AGBL1: variants seen among roughly 807,000 people sequenced by gnomAD.
AGBL1 encodes AGBL carboxypeptidase 1, also known as cytosolic carboxypeptidase 4.
In AGBL1, 130 loss-of-function variants were observed where a neutral mutation model predicts 118.9. The observed-to-expected ratio is 1.09, with a 90% confidence interval of 0.95 to 1.26. The LOEUF is 1.26. AGBL1 is among the 50% of genes most tolerant of loss of function. The pLI is 0.00. For synonymous variants in AGBL1, 555 were observed against 478.9 expected (o/e 1.16, Z -2.08); for missense variants, 1,584 against 1,298.1 (o/e 1.22, Z -3.38).
rs1018547193 is a variant in AGBL1 at position 86,613,878 on chromosome 15, T to C, written c.2994+59341T>C. Among the ~76,000 whole-genome samples the C allele has an allele frequency of 1.3e-5, 2 of 152,172 alleles. No individual in the cohort carries two copies. The highest frequency in any genetic ancestry group is 2.9e-5 in the Non-Finnish European group (2 of 68,036). On this transcript the variant is annotated intron_variant, in intron 21 of 22. Transcript: ENST00000614907. The surrounding 1 kb of genome is among the most constrained non-coding windows in gnomAD (Gnocchi z 4.2). The stretch of plus-strand genomic sequence containing the variant: ...ATGTTAATGTTTGAGAAGTCCTGAG[T>C]GAAAAGACCAATCTCTAGGGATGTT...
At chr15:86,599,706 A>G (rs972242717) in intron 21 of AGBL1, among the ~76,000 whole-genome samples, 43 of 152,062 alleles carry the variant, frequency 2.8e-4, no homozygotes, top group African/African-American at 1.0e-3. Context: ...TTCTTACCCA[A>G]TATCCAAATT....
At chr15:86,743,480 C>A (rs973858981) in intron 22 of AGBL1, among the ~76,000 whole-genome samples, 3 of 152,108 alleles carry the variant, frequency 2.0e-5, no homozygotes, top group African/African-American at 4.8e-5. Flanking sequence ...GGCAAGAGAG[C>A]GTCCCCTGGT....
intron 23 of AGBL1, among the ~76,000 whole-genome samples, chr15:86,984,110 G>A (rs1337941383): frequency 1.3e-5 from 2 of 152,084 alleles, no homozygotes; most frequent in African/African-American, 2.4e-5. Flanking sequence ...CATTCCCAAC[G>A]TGTTAGTACT....
At chr15:86,323,064 G>C (rs917418025) in intron 17 of AGBL1, among the ~76,000 whole-genome samples, 1 of 152,002 alleles carries the variant, frequency 6.6e-6, no homozygotes, top group Non-Finnish European at 1.5e-5. Flanking sequence ...GAAACTCTCA[G>C]GTTCAAAGAT....
intron 18 of AGBL1, among the ~76,000 whole-genome samples, chr15:86,514,175 T>G (rs1308623241): frequency 6.6e-6 from 1 of 151,726 alleles, no homozygotes; most frequent in African/African-American, 2.4e-5. Context: ...CACATCTATT[T>G]CTTTATCTAT....
chr15:86,867,642 G>T (rs1006717805), intron 22 of AGBL1, among the ~76,000 whole-genome samples: 1 of 152,108 alleles, frequency 6.6e-6, no homozygotes, highest in Non-Finnish European at 1.5e-5. Context: ...ATGGCAAAAT[G>T]CACCCGGACT....
At chr15:86,817,325 G>A (rs189235719) in intron 22 of AGBL1, among the ~76,000 whole-genome samples, 54 of 150,126 alleles carry the variant, frequency 3.6e-4, no homozygotes, top group African/African-American at 1.3e-3. Flanking sequence ...CAAACTTAAG[G>A]CATGGGCCAA....
At chr15:86,400,300 C>T (rs1310792046) in intron 18 of AGBL1, among the ~76,000 whole-genome samples, 1 of 152,022 alleles carries the variant, frequency 6.6e-6, no homozygotes, top group African/African-American at 2.4e-5. Flanking sequence ...CTCATCCGTG[C>T]CTGAATTTTC....
At chr15:86,395,297 C>T (rs539954574) in intron 17 of AGBL1, among the ~76,000 whole-genome samples, 1 of 152,160 alleles carries the variant, frequency 6.6e-6, no homozygotes, top group South Asian at 2.1e-4. Context: ...GACTTTTGCG[C>T]CACTGGTTTT....
intron 17 of AGBL1, among the ~76,000 whole-genome samples, chr15:86,331,456 C>T (rs1213168853): frequency 1.3e-5 from 2 of 152,024 alleles, no homozygotes; most frequent in African/African-American, 4.8e-5. Flanking sequence ...CCAGAGAAGA[C>T]CTGCAAGATG....
chr15:86,811,269 G>A (rs1208045590), intron 22 of AGBL1, among the ~76,000 whole-genome samples: 1 of 152,156 alleles, frequency 6.6e-6, no homozygotes, highest in East Asian at 1.9e-4. Context: ...GCAGAGCTGA[G>A]TTTTTGAAAT....
downstream of AGBL1, among the ~76,000 whole-genome samples, chr15:86,919,980 C>G (rs1447607653): frequency 6.6e-6 from 1 of 152,150 alleles, no homozygotes; most frequent in Non-Finnish European, 1.5e-5. Flanking sequence ...ACCTGTACCT[C>G]AGTTTTACAT....
rs774583786 is a variant in AGBL1 at position 86,264,393 on chromosome 15, G to T, written c.1222G>T (p.Glu408Ter). ...KDQSSCGQER[E>*]YAVQTSLLCR... is the part of the protein sequence containing the mutation. ...CCAAAGCTCCTGTGGGCAAGAAAGA[G>T]AATATGCTGTCCAGACTTCCCTTCT... Residue 408 changes from glutamate to a stop codon, truncating the protein, a stop_gained, in exon 11 of 23, where the codon GAA becomes TAA. Coordinates refer to ENST00000614907, the MANE Select transcript of AGBL1 (RefSeq NM_001386094.1). LOFTEE classifies it high-confidence loss of function. The T allele has an allele frequency of 6.2e-7, 1 of 1,613,926 alleles. No homozygotes were observed. Among genetic ancestry groups the T allele is most frequent in the Non-Finnish European group, 8.5e-7 (1 of 1,179,866 alleles).
In AGBL1 at chr15:86,635,701, A is replaced by G. The variant is rs368911704; in HGVS notation, c.2995-38572A>G. Among the ~76,000 whole-genome samples, 357 of 152,298 alleles carry G rather than the reference A, an allele frequency of 2.3e-3. 3 individuals carry two copies. The highest frequency in any genetic ancestry group is 8.3e-3 in the African/African-American group (343 of 41,572). ...AGTTCCTCTATAAGAAAAAGATTACATATTACAAATATAAAAATAGTTACA... is the reference window on the plus strand; with the variant it reads ...AGTTCCTCTATAAGAAAAAGATTACGTATTACAAATATAAAAATAGTTACA... On this transcript the variant is annotated intron_variant, in intron 21 of 22. Transcript: ENST00000614907.
rs531473850 is a variant in AGBL1 at position 86,832,362 on chromosome 15, TTA to T, written c.3159-74721_3159-74720del. Among the ~76,000 whole-genome samples the T allele has an allele frequency of 3.1e-3, 474 of 152,328 alleles. 2 individuals carry two copies. Among genetic ancestry groups the T allele is most frequent in the Non-Finnish European group, 3.3e-3 (227 of 68,020 alleles). ...ATCAGGCTGCAAATTTTCTGAACTTTTATATTTTTTGCTTCCCTTTTAACATA... is the reference window on the plus strand; with the variant it reads ...ATCAGGCTGCAAATTTTCTGAACTTTTATTTTTTGCTTCCCTTTTAACATA... On this transcript the variant is annotated intron_variant, in intron 22 of 22. Transcript: ENST00000614907.
At chr15:86,883,529 A>G (rs1015798240) in intron 22 of AGBL1, among the ~76,000 whole-genome samples, 5 of 152,152 alleles carry the variant, frequency 3.3e-5, no homozygotes, top group African/African-American at 1.2e-4. Flanking sequence ...TCCCCCTGAC[A>G]GAGTTACTGA....
intron 18 of AGBL1, among the ~76,000 whole-genome samples, chr15:86,447,850 A>T (rs1404673641): frequency 6.6e-6 from 1 of 152,210 alleles, no homozygotes; most frequent in African/African-American, 2.4e-5. Flanking sequence ...GCAACACAAA[A>T]GGATCAAAAC....
intron 24 of AGBL1, among the ~76,000 whole-genome samples, chr15:87,006,371 C>T (rs1334623651): frequency 6.6e-6 from 1 of 152,132 alleles, no homozygotes. Context: ...CTTTGTTTAC[C>T]TACTCAAGCC....
At chr15:86,465,873 T>C (rs1194500329) in intron 18 of AGBL1, among the ~76,000 whole-genome samples, 1 of 152,160 alleles carries the variant, frequency 6.6e-6, no homozygotes, top group Non-Finnish European at 1.5e-5. Context: ...CTCTCTGCCC[T>C]TGTGATATTT....
Sources: gnomAD v4.1 joint callset for allele counts (sites outside exome capture counted in the v4.1 genomes callset) on GRCh38, gnomAD v4.1.1 for gene constraint, Gnocchi (gnomAD v3.1) non-coding constraint, MANE v1.5 for transcripts, NCBI Gene and HGNC (gene_info 2026-07-23, HGNC 2026-07-21) for gene names.